Variants in ZNF292 observed in about 807,000 individuals in gnomAD.
The protein encoded by ZNF292 is 16 zinc-finger domain protein.
In ZNF292, 26 loss-of-function variants were observed where a neutral mutation model predicts 217.9. The ratio of observed to expected loss-of-function variants is 0.12; its 90% confidence interval spans 0.09 to 0.17. The LOEUF (loss-of-function observed/expected upper bound fraction) is 0.17, where lower values mean the gene tolerates loss of function less well. Among genes scored for constraint, ZNF292 ranks in the 10% least tolerant of loss-of-function variants. The probability of loss-of-function intolerance (pLI) is 1.00; values close to 1 mark genes in which losing one functional copy is unlikely to be tolerated. For synonymous variants in ZNF292, 1,257 were observed against 1,124.1 expected (o/e 1.12, Z -2.37); for missense variants, 2,904 against 3,175.2 (o/e 0.91, Z 2.05).
At chr6:87,241,390 T>C (rs1210102379) in intron 5 of ZNF292, among the ~76,000 whole-genome samples, 2 of 151,684 alleles carry the variant, frequency 1.3e-5, no homozygotes, top group Non-Finnish European at 2.9e-5. Flanking sequence ...GAATAAAATA[T>C]ATTGTGATGA....
intron 1 of ZNF292, among the ~76,000 whole-genome samples, chr6:87,158,892 G>A (rs896558969): frequency 2.0e-5 from 3 of 152,204 alleles, no homozygotes; most frequent in African/African-American, 7.2e-5. Flanking sequence ...GTAAAACTGG[G>A]ATAGTCACAC....
chr6:87,264,380 G>A lies in ZNF292; in HGVS notation c.*2579G>A, dbSNP rs1273224097. Among the ~76,000 whole-genome samples the A allele has an allele frequency of 6.6e-6, 1 of 152,014 alleles. No individual in the cohort carries two copies. Among genetic ancestry groups the A allele is most frequent in the Non-Finnish European group, 1.5e-5 (1 of 68,018 alleles). On this transcript the variant is annotated 3_prime_UTR_variant, in exon 8 of 8. Coordinates refer to ENST00000369577, the MANE Select transcript of ZNF292 (RefSeq NM_015021.3). ...TGTAACAGTTTTTGAAATTTTCAAC[G>A]GTGTTAAATTTAACATAGGTACATT... is the stretch of plus-strand genomic sequence containing the variant.
rs6911436 is a variant in ZNF292, at chr6:87,159,432, A to C, written c.168+3673A>C. 9.4e-3 allele frequency among the ~76,000 whole-genome samples: 1,417 copies of C among 150,704 alleles called. 18 individuals carry two copies. Among genetic ancestry groups the C allele is most frequent in the African/African-American group, 0.032 (1,334 of 41,140 alleles). ...TGCTACATTGCCCAGGTATGATCAT[A>C]GCACACTACAACCTCAAACTCTTAG... is the stretch of plus-strand genomic sequence containing the variant. On this transcript the variant is annotated intron_variant, in intron 1 of 7. Transcript: ENST00000369577.
chr6:87,173,680 G>A (rs544113114), intron 1 of ZNF292: 2 of 152,208 alleles, frequency 1.3e-5, no homozygotes, highest in East Asian at 1.9e-4. Context: ...TTTCTTCTTT[G>A]GAAGTTTTTC....
intron 5 of ZNF292, among the ~76,000 whole-genome samples, chr6:87,233,827 G>C (rs1342612368): frequency 6.6e-6 from 1 of 152,070 alleles, no homozygotes; most frequent in East Asian, 1.9e-4. Flanking sequence ...TCAGCTTTTG[G>C]CCTTAACTTC....
intron 1 of ZNF292, among the ~76,000 whole-genome samples, chr6:87,212,737 ACC>A: frequency 6.6e-6 from 1 of 152,326 alleles, no homozygotes; most frequent in Middle Eastern, 3.4e-3. Flanking sequence ...TGTTGGTTCA[ACC>A]AGGAACTAAT....
At chr6:87,207,560 T>C (rs1259728438) in intron 1 of ZNF292, among the ~76,000 whole-genome samples, 1 of 152,276 alleles carries the variant, frequency 6.6e-6, no homozygotes, top group African/African-American at 2.4e-5. Flanking sequence ...ACATATTCTT[T>C]ATTTCATGTG....
intron 1 of ZNF292, among the ~76,000 whole-genome samples, chr6:87,197,982 T>C (rs1187895983): frequency 1.3e-5 from 2 of 152,082 alleles, no homozygotes; most frequent in African/African-American, 4.8e-5. Context: ...ATAAAAGTAA[T>C]ATGATTTGAA....
chr6:87,217,867 G>T (rs1010028007), intron 3 of ZNF292, among the ~76,000 whole-genome samples: 1 of 152,068 alleles, frequency 6.6e-6, no homozygotes, highest in African/African-American at 2.4e-5. Flanking sequence ...GTTTATGCCT[G>T]TTTAACAGCA....
intron 1 of ZNF292, among the ~76,000 whole-genome samples, chr6:87,194,541 A>G (rs182826142): frequency 6.6e-6 from 1 of 152,182 alleles, no homozygotes; most frequent in African/African-American, 2.4e-5. Context: ...GGGGGGAGGA[A>G]CTAAGTTTGC....
In ZNF292 at chr6:87,219,782, G is replaced by A. The variant is rs76254988; in HGVS notation, c.538+1051G>A. The stretch of plus-strand genomic sequence containing the variant: ...TCCAAAAATTAGCTACAGTGTTCTC[G>A]AGACCTTGGAAGGAGATCCTTTCAT... On this transcript the variant is annotated intron_variant, in intron 4 of 7. Transcript: ENST00000369577. Among the ~76,000 whole-genome samples, 21 of 152,222 alleles carry A rather than the reference G, an allele frequency of 1.4e-4. No individual in the cohort carries two copies. The East Asian group carries it at 3.1e-3, about 22-fold the overall frequency.
Position 87,258,717 on chromosome 6 carries a change from G to A in ZNF292, c.5088G>A (p.Gln1696=). The A allele has an allele frequency of 1.9e-6, 3 of 1,613,292 alleles. No individual in the cohort carries two copies. In the South Asian group the frequency reaches 3.3e-5, roughly 18 times the overall value. Residue 1696 remains glutamine (Q), a synonymous_variant, in exon 8 of 8, where the codon CAG becomes CAA. Transcript: ENST00000369577. ...LTQKLNNVNN[Q]LFMTDVKENF... is the part of the protein sequence containing the mutation. The stretch of plus-strand genomic sequence containing the variant: ...AGAAATTAAATAATGTTAACAATCA[G>A]TTATTTATGACTGATGTAAAAGAGA...
Position 87,254,696 on chromosome 6 carries a change from C to T in ZNF292, c.1067C>T (p.Ala356Val). 6.2e-7 allele frequency: 1 copy of T among 1,613,834 alleles called. No individual in the cohort carries two copies. Among genetic ancestry groups the T allele is most frequent in the South Asian group, 1.1e-5 (1 of 91,062 alleles). Residue 356 changes from alanine (A) to valine (V), a missense_variant, in exon 8 of 8, where the codon GCT becomes GTT. By Grantham distance (64) the Ala-to-Val change is moderately conservative. Coordinates refer to ENST00000369577, the MANE Select transcript of ZNF292 (RefSeq NM_015021.3). ...ACCTGTATAGAACTGTGTGTAAAGG[C>T]TCTTCGCTTGGAGTCTACAGAAAAT... ...LATCIELCVK[A>V]LRLESTENTE...
intron 6 of ZNF292, 25 bp downstream of exon 6, chr6:87,243,636 A>G (rs765433956): frequency 1.5e-4 from 216 of 1,446,660 alleles, no homozygotes; most frequent in Non-Finnish European, 1.9e-4. Flanking sequence ...TTTTTTTTAA[A>G]GAAATATTTG....
rs1775270663 is a variant in ZNF292 at position 87,257,138 on chromosome 6, C to T, written c.3509C>T (p.Ser1170Leu). 6.2e-7 allele frequency: 1 copy of T among 1,613,756 alleles called. No homozygotes were observed. Reference protein sequence around the residue: ...PVNSSNPFFTSQTKANGNPAC... With the variant: ...PVNSSNPFFTLQTKANGNPAC... ...AACAGCTCAAATCCATTTTTTACAT[C>T]ACAGACCAAAGCCAATGGGAATCCT... Residue 1170 changes from serine to leucine, a missense_variant, in exon 8 of 8, where the codon TCA (serine) becomes TTA (leucine). Ser to Leu is a moderately radical substitution (Grantham distance 145). Around this residue, in one of 15 missense-constraint regions of ZNF292, gnomAD observed 687 missense variants for 623.0 expected, o/e 1.10. Coordinates refer to ENST00000369577, the MANE Select transcript of ZNF292 (RefSeq NM_015021.3).
intron 5 of ZNF292, 141 bp from the exon 6 acceptor site, chr6:87,243,334 A>G (rs1214253972): frequency 1.7e-6 from 1 of 593,928 alleles, no homozygotes; most frequent in Non-Finnish European, 2.4e-6. Flanking sequence ...ATGACAAATT[A>G]TAACTGACTT....
intron 1 of ZNF292, chr6:87,213,689 A>AACT (rs1250211083): frequency 6.6e-6 from 1 of 152,256 alleles, no homozygotes; most frequent in Non-Finnish European, 1.5e-5. Context: ...AACAGATGTG[A>AACT]ACTACTGATT....
Position 87,260,749 on chromosome 6 carries a change from G to A in ZNF292, c.7120G>A (p.Ala2374Thr). 6.2e-7 allele frequency: 1 copy of A among 1,613,400 alleles called. No homozygotes were observed. The highest frequency in any genetic ancestry group is 8.5e-7 in the Non-Finnish European group (1 of 1,179,606). Residue 2374 changes from alanine to threonine, a missense_variant, in exon 8 of 8, where the codon GCC (alanine) becomes ACC (threonine). Transcript: ENST00000369577. ...HVYSIKARND[A>T]LSECTSRFVT... ...ATATTCTATAAAGGCTAGAAATGATGCCCTGTCTGAGTGTACAAGCAGATT... is the reference window on the plus strand; with the variant it reads ...ATATTCTATAAAGGCTAGAAATGATACCCTGTCTGAGTGTACAAGCAGATT...
chr6:87,216,600 T>C (rs980921981), intron 3 of ZNF292, among the ~76,000 whole-genome samples: 17 of 152,000 alleles, frequency 1.1e-4, no homozygotes, highest in Non-Finnish European at 2.1e-4. Flanking sequence ...ATCAGATAAT[T>C]AGGGCTTTGT....
Sources: gnomAD v4.1 joint callset for allele counts (sites outside exome capture counted in the v4.1 genomes callset) on GRCh38, gnomAD v4.1.1 for gene constraint, gnomAD v4.1.1 regional missense constraint, MANE v1.5 for transcripts, NCBI Gene and HGNC (gene_info 2026-07-23, HGNC 2026-07-21) for gene names.